ANK1: variants seen among roughly 807,000 people sequenced by gnomAD.
ANK1 encodes the protein ankyrin-1.
ANK1 carries 51 observed loss-of-function variants against 210.4 expected under a neutral mutation model. That is an observed-to-expected ratio of 0.24 (90% CI 0.19 to 0.31). The LOEUF is 0.31. ANK1 is among the 10% of genes least tolerant of loss of function. ANK1 has a pLI of 1.00. For synonymous variants in ANK1, 967 were observed against 1,025.9 expected, an observed-to-expected ratio of 0.94 and a Z score of 1.10; for missense variants, 2,051 against 2,504.4, an observed-to-expected ratio of 0.82 and a Z score of 3.86.
intron 1 of ANK1, among the ~76,000 whole-genome samples, chr8:41,891,478 T>C (rs1305873636): frequency 1.3e-5 from 2 of 152,168 alleles, no homozygotes; most frequent in Admixed American, 6.5e-5. Flanking sequence ...CAGCACTAGA[T>C]GGTTTGCACA....
In ANK1 at chr8:41,661,445, T is replaced by C; in HGVS notation, c.*21A>G. 6.2e-7 allele frequency: 1 copy of C among 1,614,068 alleles called. No individual in the cohort carries two copies. The highest frequency in any genetic ancestry group is 8.5e-7 in the Non-Finnish European group (1 of 1,180,020). ...GCAGCGTTACCTCCCGAGAGGCTAC[T>C]CCAAGGAGAGCGGCTCGGGGTCACT... is the stretch of plus-strand genomic sequence containing the variant. On this transcript the variant is annotated 3_prime_UTR_variant, in exon 42 of 43. Coordinates refer to ENST00000289734, the MANE Select transcript of ANK1 (RefSeq NM_000037.4).
chr8:41,664,291 G>A (rs1366781922), intron 39 of ANK1: 1 of 395,950 alleles, frequency 2.5e-6, no homozygotes, highest in Non-Finnish European at 5.0e-6. Flanking sequence ...GGGCAACATA[G>A]CGAGCCCCCA....
chr8:41,705,105 G>A (rs1824201478), intron 18 of ANK1, among the ~76,000 whole-genome samples: 1 of 152,272 alleles, frequency 6.6e-6, no homozygotes, highest in Non-Finnish European at 1.5e-5. Flanking sequence ...GCTCATGTGA[G>A]TCTGGGCTGT....
intron 1 of ANK1, among the ~76,000 whole-genome samples, chr8:41,763,529 T>G (rs1201269473): frequency 6.6e-6 from 1 of 152,196 alleles, no homozygotes; most frequent in Non-Finnish European, 1.5e-5. Context: ...CACTGAAGTC[T>G]ATGCCTTTCC....
chr8:41,822,772 C>G (rs1357578325), intron 1 of ANK1, among the ~76,000 whole-genome samples: 7 of 152,208 alleles, frequency 4.6e-5, no homozygotes, highest in Non-Finnish European at 1.0e-4. Context: ...GACCCTGCTA[C>G]CATCCCACCA....
At chr8:41,772,196 A>G (rs1206180685) in intron 1 of ANK1, among the ~76,000 whole-genome samples, 2 of 152,028 alleles carry the variant, frequency 1.3e-5, no homozygotes, top group African/African-American at 4.8e-5. Flanking sequence ...TAGCAACAAC[A>G]CTATTTGCTT....
At position 41,693,853 on chromosome 8, in the gene ANK1, C is replaced by T. The variant is rs116835550; in HGVS notation, c.3532+45G>A. ...TCACCCCCCTACTGTGTTCCAGACG[C>T]ACTGCAGCAGCCGAGAACAGAAGCG... On this transcript the variant is annotated intron_variant, in intron 29 of 42. Transcript: ENST00000289734. 5.8e-4 allele frequency: 900 copies of T among 1,559,972 alleles called. 5 individuals are homozygous for T. In the African/African-American group the frequency reaches 0.011, roughly 19 times the overall value.
In ANK1 at chr8:41,727,298, C is replaced by T; in HGVS notation, c.378G>A (p.Val126=). The stretch of plus-strand genomic sequence containing the variant: ...CTCCATTTTCCAGTAAAAACTTAAC[C>T]ACTTCCAAGTGGTTCTCTTGTGCTG... ...YMAAQENHLE[V]VKFLLENGAN... Residue 126 remains valine, a synonymous_variant, in exon 5 of 43, where the codon GTG becomes GTA. Transcript: ENST00000289734. 1 of 1,614,174 alleles carries T rather than the reference C, an allele frequency of 6.2e-7. No individual in the cohort carries two copies. Among genetic ancestry groups the T allele is most frequent in the Non-Finnish European group, 8.5e-7 (1 of 1,180,030 alleles).
chr8:41,661,307 C>T (rs552686822), intron 42 of ANK1, 123 bp downstream of exon 42: 4 of 1,420,380 alleles, frequency 2.8e-6, no homozygotes, highest in East Asian at 5.0e-5. Context: ...TGCCTCGAGA[C>T]ACAACAACAA....
intron 1 of ANK1, among the ~76,000 whole-genome samples, chr8:41,856,786 A>G (rs1036262305): frequency 3.9e-5 from 6 of 151,990 alleles, no homozygotes; most frequent in Non-Finnish European, 7.3e-5. Flanking sequence ...ATTGAAATCC[A>G]AAACATTTCT....
chr8:41,699,325 G>A lies in ANK1; in HGVS notation c.2558+127C>T, dbSNP rs571096263. On this transcript the variant is annotated intron_variant, in intron 23 of 42. Transcript: ENST00000289734. ...GCTAGCTCATCCTAAGGTGCAAACCGTCTCTCTCTGCGGGCAGCGAGCCCA... is the reference window on the plus strand; with the variant it reads ...GCTAGCTCATCCTAAGGTGCAAACCATCTCTCTCTGCGGGCAGCGAGCCCA... 7.8e-4 allele frequency: 696 copies of A among 890,752 alleles called. 2 individuals carry two copies. The highest frequency in any genetic ancestry group is 1.1e-3 in the Non-Finnish European group (591 of 537,918). The allele number at this position is 890,752 out of a possible 1,614,324, so 55.2% of individuals were successfully genotyped here.
At chr8:41,883,521 ACAAT>A (rs1223705874) in intron 1 of ANK1, among the ~76,000 whole-genome samples, 1 of 152,110 alleles carries the variant, frequency 6.6e-6, no homozygotes, top group Non-Finnish European at 1.5e-5. Context: ...AGTTCATGGC[ACAAT>A]CATAGTTCAC....
chr8:41,801,013 T>G (rs1019819329), upstream of ANK1, among the ~76,000 whole-genome samples: 1 of 152,242 alleles, frequency 6.6e-6, no homozygotes, highest in East Asian at 1.9e-4. Flanking sequence ...TTCTGCTACT[T>G]GCATTTTTGC....
chr8:41,752,325 G>A (rs57596574), intron 2 of ANK1, among the ~76,000 whole-genome samples: 76,529 of 151,956 alleles, frequency 0.5, 20,123 homozygotes, highest in Middle Eastern at 0.64. Flanking sequence ...TTTAATGAGT[G>A]CTGTGGAATG....
At chr8:41,837,072 C>T (rs1007899129) in intron 1 of ANK1, among the ~76,000 whole-genome samples, 7 of 152,290 alleles carry the variant, frequency 4.6e-5, no homozygotes, top group Non-Finnish European at 7.3e-5. Context: ...ACCAGCAAAA[C>T]GTCCATTGAG....
chr8:41,699,681 G>A, intron 22 of ANK1, 133 bp from the exon 23 acceptor site: 1 of 812,476 alleles, frequency 1.2e-6, no homozygotes, highest in Non-Finnish European at 2.1e-6. Context: ...ATGCTGCAAG[G>A]AGACTGGGAG....
At chr8:41,860,553 G>A (rs79407186) in intron 1 of ANK1, among the ~76,000 whole-genome samples, 1,564 of 152,266 alleles carry the variant, frequency 0.01, 28 homozygotes, top group African/African-American at 0.036. Context: ...TGACCTGAGC[G>A]GGCTACTTAA....
At chr8:41,738,033 T>C (rs992899416) in intron 2 of ANK1, among the ~76,000 whole-genome samples, 5 of 151,996 alleles carry the variant, frequency 3.3e-5, no homozygotes, top group Non-Finnish European at 7.4e-5. Flanking sequence ...TGCAAAATCA[T>C]GTGAAAAAAG....
chr8:41,845,440 G>A (rs1347316393), intron 1 of ANK1, among the ~76,000 whole-genome samples: 1 of 151,746 alleles, frequency 6.6e-6, no homozygotes, highest in African/African-American at 2.4e-5. Flanking sequence ...ATCGACTGGC[G>A]ATTTCTGCTT....
Sources: gnomAD v4.1 joint callset for allele counts (sites outside exome capture counted in the v4.1 genomes callset) on GRCh38, gnomAD v4.1.1 for gene constraint, MANE v1.5 for transcripts, NCBI Gene and HGNC (gene_info 2026-07-23, HGNC 2026-07-21) for gene names.